TICRR: variants seen among roughly 807,000 people sequenced by gnomAD.
TICRR encodes TOPBP1 interacting checkpoint and replication regulator.
Under a neutral mutation model 178.1 loss-of-function variants are expected in TICRR, and 132 were observed. That is an observed-to-expected ratio of 0.74 (90% CI 0.64 to 0.86). The LOEUF (loss-of-function observed/expected upper bound fraction) is 0.86. TICRR is among the 40% of genes least tolerant of loss of function. The pLI is 0.00. For missense variants in TICRR, 2,587 were observed against 2,334.3 expected, an observed-to-expected ratio of 1.11 and a Z score of -2.23; for synonymous variants, 991 against 900.7, an observed-to-expected ratio of 1.10 and a Z score of -1.79.
At chr15:89,599,812 A>T (rs1242743164) in intron 8 of TICRR, among the ~76,000 whole-genome samples, 1 of 152,182 alleles carries the variant, frequency 6.6e-6, no homozygotes, top group Admixed American at 6.5e-5. Flanking sequence ...GCATTTAAAA[A>T]ATATATATAT....
At chr15:89,617,937 C>T in intron 16 of TICRR, 2 of 558,528 alleles carry the variant, frequency 3.6e-6, no homozygotes, top group Non-Finnish European at 3.2e-6. Context: ...AGTGATCCGC[C>T]CGCCTTAGCC....
intron 1 of TICRR, among the ~76,000 whole-genome samples, chr15:89,579,171 C>G (rs1229323390): frequency 1.3e-5 from 2 of 152,134 alleles, no homozygotes; most frequent in African/African-American, 4.8e-5. Flanking sequence ...CCATACCTGC[C>G]AGGTATGCTA....
intron 5 of TICRR, among the ~76,000 whole-genome samples, chr15:89,592,479 CA>C (rs1360988998): frequency 6.6e-6 from 1 of 151,898 alleles, no homozygotes; most frequent in Admixed American, 6.6e-5. Context: ...AGTATCAATG[CA>C]AATAGAAAAC....
intron 8 of TICRR, among the ~76,000 whole-genome samples, chr15:89,599,726 C>G (rs890599876): frequency 1.3e-5 from 2 of 152,184 alleles, no homozygotes; most frequent in African/African-American, 4.8e-5. Flanking sequence ...AAAGCCTTTC[C>G]TCATGTGAGC....
chr15:89,625,921 G>A lies in TICRR; in HGVS notation c.5477-15G>A, dbSNP rs1329065948. 5.1e-6 allele frequency: 8 copies of A among 1,556,110 alleles called. No individual in the cohort carries two copies. The highest frequency in any genetic ancestry group is 4.1e-5 in the African/African-American group (3 of 72,748). On this transcript the variant is annotated splice_polypyrimidine_tract_variant and intron_variant, in intron 20 of 21. Transcript: ENST00000268138. ...GGTCTGGGGACGCTGCTCTTACTAT[G>A]TGGGATCTCTTTAGGCTCCACCCCA...
Position 89,608,942 on chromosome 15 carries a change from G to T in TICRR, c.2862G>T (p.Lys954Asn), listed in dbSNP as rs376043880. 1 of 1,593,164 alleles carries T rather than the reference G, an allele frequency of 6.3e-7. No individual in the cohort carries two copies. Among genetic ancestry groups the T allele is most frequent in the Admixed American group, 1.8e-5 (1 of 54,756 alleles). The change falls in exon 15 of 22, where the codon AAG (lysine) becomes AAT (asparagine). Residue 954 changes from lysine (K) to asparagine (N), a missense_variant. Lys to Asn is a moderately conservative substitution (Grantham distance 94). Coordinates refer to ENST00000268138, the MANE Select transcript of TICRR (RefSeq NM_152259.4). ...AGGATAAACTTGACAACTTCAAGAA[G>T]AACAAAGGTACCACATTTCAGAATA... ...GLEDKLDNFKKNKGYHKLLTK... is the reference protein window; with the variant it reads ...GLEDKLDNFKNNKGYHKLLTK...
At chr15:89,601,712 C>T (rs1567045745) in intron 11 of TICRR, 25 bp from the exon 12 acceptor site, 5 of 1,613,854 alleles carry the variant, frequency 3.1e-6, no homozygotes, top group East Asian at 2.2e-5. Context: ...GTAACTGTTC[C>T]GTATTCGATC....
rs370134970 is a variant in TICRR at position 89,601,345 on chromosome 15, C to G, written c.2201C>G (p.Pro734Arg). The G allele has an allele frequency of 1.9e-6, 3 of 1,613,998 alleles. No individual in the cohort carries two copies. In the African/African-American group the frequency reaches 4.0e-5, roughly 22 times the overall value. The stretch of plus-strand genomic sequence containing the variant: ...CGTTTGGAGATGTGTCTGCAATGCC[C>G]TTCAATAAATGAAAGTACAGATGAT... ...FLRLEMCLQC[P>R]SINESTDDME... The change falls in exon 10 of 22, where the codon CCT (proline) becomes CGT (arginine). Residue 734 changes from proline (P) to arginine (R), a missense_variant. Coordinates refer to ENST00000268138, the MANE Select transcript of TICRR (RefSeq NM_152259.4).
intron 14 of TICRR, 60 bp from the exon 15 acceptor site, chr15:89,608,743 G>C: frequency 2.1e-6 from 3 of 1,430,342 alleles, no homozygotes; most frequent in Non-Finnish European, 2.8e-6. Context: ...TCTCAGATAC[G>C]GCATTTATTG....
In TICRR at chr15:89,601,295, A is replaced by AG; in HGVS notation, c.2154-3_2154-2insG. On this transcript the variant is annotated splice_polypyrimidine_tract_variant and splice_region_variant and intron_variant, in intron 9 of 21. Transcript: ENST00000268138. Reference sequence around the variant, plus strand: ...ATATGACCAAGTATTTTTTTCTCTCAAGGTGCCAGCTTCAGGTATTTCTTC... The same window carrying AG: ...ATATGACCAAGTATTTTTTTCTCTCAGAGGTGCCAGCTTCAGGTATTTCTTC... 3 of 1,613,142 alleles carry AG rather than the reference A, an allele frequency of 1.9e-6. No homozygotes were observed. Among genetic ancestry groups the AG allele is most frequent in the Non-Finnish European group, 1.7e-6 (2 of 1,179,662 alleles).
intron 5 of TICRR, among the ~76,000 whole-genome samples, chr15:89,593,996 T>C (rs993080342): frequency 4.6e-5 from 7 of 152,244 alleles, no homozygotes; most frequent in Admixed American, 2.0e-4. Context: ...CCCAAATTAG[T>C]TTATTACAAT....
chr15:89,582,917 G>A lies in TICRR; in HGVS notation c.886G>A (p.Glu296Lys), dbSNP rs368668837. The change falls in exon 2 of 22, where the codon GAG (glutamate) becomes AAG (lysine). Residue 296 changes from glutamate (E) to lysine (K), a missense_variant. Transcript: ENST00000268138. Reference protein sequence around the residue: ...NRLLYNSPEYEASFPRMEGML... With the variant: ...NRLLYNSPEYKASFPRMEGML... ...TTTGCTCTACAATTCTCCTGAGTAT[G>A]AGGCCTCGTTTCCACGAATGGAAGG... is the stretch of plus-strand genomic sequence containing the variant. 2 of 1,614,154 alleles carry A rather than the reference G, an allele frequency of 1.2e-6. No homozygotes were observed. Among genetic ancestry groups the A allele is most frequent in the Non-Finnish European group, 1.7e-6 (2 of 1,180,010 alleles).
In TICRR at chr15:89,575,768, G is replaced by A. The variant is rs202151427; in HGVS notation, c.182G>A (p.Arg61His). 1.2e-6 allele frequency: 2 copies of A among 1,609,002 alleles called. No homozygotes were observed. The highest frequency in any genetic ancestry group is 1.7e-6 in the Non-Finnish European group (2 of 1,178,698). The change falls in exon 1 of 22, where the codon CGC becomes CAC. Residue 61 changes from arginine (R) to histidine (H), a missense_variant. Physicochemically the swap from Arg to His is conservative, Grantham distance 29. Transcript: ENST00000268138. Reference sequence around the variant, plus strand: ...CAGGGGGCGCGGAGCCGGCCGTCCCGCGTGTCTGACTTCCGCGAGCTGGGG... The same window carrying A: ...CAGGGGGCGCGGAGCCGGCCGTCCCACGTGTCTGACTTCCGCGAGCTGGGG... The part of the protein sequence containing the change: ...DSQGARSRPS[R>H]VSDFRELGSR...
chr15:89,599,879 G>A (rs1470823245), intron 8 of TICRR, among the ~76,000 whole-genome samples: 1 of 152,164 alleles, frequency 6.6e-6, no homozygotes, highest in African/African-American at 2.4e-5. Context: ...AGGCCAGGGT[G>A]GGTGGATCAC....
chr15:89,599,190 C>CAA, intron 7 of TICRR, 134 bp from the exon 8 acceptor site: 1 of 442,158 alleles, frequency 2.3e-6, no homozygotes, highest in Non-Finnish European at 3.9e-6. Context: ...CCACCACCAT[C>CAA]AGTCATGACA....
At chr15:89,616,602 T>C (rs998338937) in intron 16 of TICRR, 107 bp downstream of exon 16, 1 of 829,546 alleles carries the variant, frequency 1.2e-6, no homozygotes, top group Non-Finnish European at 1.9e-6. Context: ...AAATCTTAAC[T>C]ATGTTGCTTA....
chr15:89,615,210 G>A lies in TICRR; in HGVS notation c.2870-1195G>A, dbSNP rs1866927. On this transcript the variant is annotated intron_variant, in intron 15 of 21. Coordinates refer to ENST00000268138, the MANE Select transcript of TICRR (RefSeq NM_152259.4). The stretch of plus-strand genomic sequence containing the variant: ...TCAGTAAATGCTGTCAGGGAAAAAG[G>A]TGGTTTACACTGTATGAGTTCTGAG... 5.2e-3 allele frequency among the ~76,000 whole-genome samples: 796 copies of A among 152,314 alleles called. 4 individuals are homozygous for A. Among genetic ancestry groups the A allele is most frequent in the African/African-American group, 0.018 (755 of 41,548 alleles).
chr15:89,592,218 C>T, intron 5 of TICRR, 42 bp downstream of exon 5: 1 of 1,561,526 alleles, frequency 6.4e-7, no homozygotes, highest in Non-Finnish European at 8.8e-7. Flanking sequence ...TTATTAAAAT[C>T]AACGTTCAGT....
At chr15:89,611,698 G>C (rs1963258781) in intron 15 of TICRR, among the ~76,000 whole-genome samples, 1 of 151,786 alleles carries the variant, frequency 6.6e-6, no homozygotes, top group East Asian at 1.9e-4. Context: ...GCTCAGGCTG[G>C]ATAATTTCAA....
Sources: gnomAD v4.1 joint callset for allele counts (sites outside exome capture counted in the v4.1 genomes callset) on GRCh38, gnomAD v4.1.1 for gene constraint, MANE v1.5 for transcripts, NCBI Gene and HGNC (gene_info 2026-07-23, HGNC 2026-07-21) for gene names.